Variants in CA10 observed in about 807,000 individuals in gnomAD.
The protein encoded by CA10 is carbonic anhydrase 10 (inactive).
In CA10, 14 loss-of-function variants were observed where a neutral mutation model predicts 44.2. The ratio of observed to expected loss-of-function variants is 0.32; its 90% CI spans 0.21 to 0.50. The LOEUF is 0.50. Ranked by LOEUF, CA10 falls within the 20% of genes least tolerant of loss-of-function variation. The probability of loss-of-function intolerance (pLI) is 0.99; values close to 1 mark genes in which losing one functional copy is unlikely to be tolerated. For synonymous variants in CA10, 159 were observed against 141.6 expected (o/e 1.12, Z -0.87); for missense variants, 350 against 409.7 (o/e 0.85, Z 1.26).
intron 2 of CA10, among the ~76,000 whole-genome samples, chr17:51,983,716 T>C (rs1432425542): frequency 2.0e-5 from 3 of 151,858 alleles, no homozygotes; most frequent in South Asian, 4.2e-4. Context: ...TTAGGTAAAG[T>C]TTCAGCAAAC....
intron 1 of CA10, among the ~76,000 whole-genome samples, chr17:52,104,365 G>C (rs1598216647): frequency 6.6e-6 from 1 of 152,064 alleles, no homozygotes. Flanking sequence ...ACCATGCCCA[G>C]CTAATTCTTG....
intron 2 of CA10, among the ~76,000 whole-genome samples, chr17:52,025,466 C>A (rs1177769360): frequency 6.6e-6 from 1 of 152,094 alleles, no homozygotes; most frequent in Non-Finnish European, 1.5e-5. Context: ...TCAGAAGAGA[C>A]ACATTCCTCA....
chr17:51,631,624 GAAA>G lies in CA10; in HGVS notation c.965-21_965-19del. On this transcript the variant is annotated intron_variant, in intron 8 of 8. Coordinates refer to ENST00000451037, the MANE Select transcript of CA10 (RefSeq NM_020178.5). ...TTCATTTACTGCAAAGAGAGAGAAA[GAAA>G]AAAAAAATCACACATACAACATAAA... The G allele has an allele frequency of 6.5e-7, 1 of 1,528,128 alleles. No homozygotes were observed. The allele number at this position is 1,528,128 out of a possible 1,614,324, so 94.7% of individuals were successfully genotyped here. A position where few individuals can be genotyped will look rare whatever the true frequency, so the allele number is the denominator to read the frequency against.
chr17:52,046,344 A>G (rs1337269060), intron 2 of CA10, among the ~76,000 whole-genome samples: 1 of 151,656 alleles, frequency 6.6e-6, no homozygotes, highest in Admixed American at 6.6e-5. Context: ...AATAATATAT[A>G]AAAGGTATAA....
chr17:51,762,163 G>C (rs1905233039), intron 3 of CA10: 1 of 152,212 alleles, frequency 6.6e-6, no homozygotes, highest in Non-Finnish European at 1.5e-5. Context: ...GGCTCAGTGA[G>C]GGTAAATAGG....
At chr17:51,640,799 T>C (rs370089070) in intron 6 of CA10, among the ~76,000 whole-genome samples, 3 of 152,178 alleles carry the variant, frequency 2.0e-5, no homozygotes, top group East Asian at 1.9e-4. Flanking sequence ...CCTTGCAGCA[T>C]CCAGCAGAAA....
chr17:52,125,228 C>T (rs1989094266), intron 1 of CA10, among the ~76,000 whole-genome samples: 1 of 152,196 alleles, frequency 6.6e-6, no homozygotes, highest in Admixed American at 6.5e-5. Context: ...TACCTCCTTG[C>T]TAGTGTCTCA....
intron 4 of CA10, among the ~76,000 whole-genome samples, chr17:51,734,174 TG>T (rs1409860409): frequency 4.0e-5 from 4 of 98,926 alleles, no homozygotes; most frequent in Non-Finnish European, 7.7e-5. Flanking sequence ...ACTCAATCTT[TG>T]GTTGGGGGGG....
chr17:52,158,121 C>A lies in CA10; in HGVS notation c.-335G>T. 2 of 451,892 alleles carry A rather than the reference C, an allele frequency of 4.4e-6. No individual in the cohort carries two copies. The highest frequency in any genetic ancestry group is 2.0e-5 in the South Asian group (1 of 48,824). 28.0% of individuals were successfully genotyped at this position (451,892 alleles called of 1,614,324 possible). A position where few individuals can be genotyped will look rare whatever the true frequency, so the allele number is the denominator to read the frequency against. On this transcript the variant is annotated 5_prime_UTR_variant, in exon 1 of 9. Transcript: ENST00000451037. ...CTAGCAGCGGCGGCGGCGGCGGCGG[C>A]GGCAGCAGCCACCTGAAGCCACCAA...
intron 3 of CA10, among the ~76,000 whole-genome samples, chr17:51,853,410 T>A (rs1398687002): frequency 6.6e-6 from 1 of 152,204 alleles, no homozygotes; most frequent in African/African-American, 2.4e-5. Flanking sequence ...CCTTGCTCCA[T>A]GTGCAGGGAG....
At position 52,157,926 on chromosome 17, in the gene CA10, G is replaced by T; in HGVS notation, c.-140C>A. ...GCACTCCCACCCGACAGCCGGCCAG[G>T]GACAGTCACCCCCAAGATCAATATC... On this transcript the variant is annotated 5_prime_UTR_variant, in exon 1 of 9. Coordinates refer to ENST00000451037, the MANE Select transcript of CA10 (RefSeq NM_020178.5). 2.7e-6 allele frequency: 2 copies of T among 731,848 alleles called. No individual in the cohort carries two copies. Among genetic ancestry groups the T allele is most frequent in the East Asian group, 2.5e-5 (1 of 40,492 alleles). The allele number at this position is 731,848 out of a possible 1,614,324, so 45.3% of individuals were successfully genotyped here.
intron 2 of CA10, among the ~76,000 whole-genome samples, chr17:51,961,719 T>C (rs993102596): frequency 1.8e-4 from 27 of 152,160 alleles, no homozygotes; most frequent in Admixed American, 1.6e-3. Flanking sequence ...AATCATTTTA[T>C]TGAAAGATAA....
intron 2 of CA10, among the ~76,000 whole-genome samples, chr17:51,944,809 T>C (rs980647819): frequency 6.6e-6 from 1 of 152,304 alleles, no homozygotes; most frequent in African/African-American, 2.4e-5. Context: ...GTTAAAACAT[T>C]TGAAAAATAA....
intron 1 of CA10, among the ~76,000 whole-genome samples, chr17:52,076,784 C>A (rs934497158): frequency 6.6e-6 from 1 of 152,116 alleles, no homozygotes; most frequent in African/African-American, 2.4e-5. Flanking sequence ...CCCACCAGAT[C>A]CTTGGTAGTC....
At chr17:51,840,225 A>G (rs753207526) in intron 3 of CA10, among the ~76,000 whole-genome samples, 27 of 152,148 alleles carry the variant, frequency 1.8e-4, no homozygotes, top group Admixed American at 5.2e-4. Flanking sequence ...CTATTTCTTT[A>G]GTTTGAGAGC....
intron 2 of CA10, among the ~76,000 whole-genome samples, chr17:52,042,244 CT>C (rs1321818924): frequency 1.3e-5 from 2 of 151,974 alleles, no homozygotes; most frequent in African/African-American, 4.8e-5. Flanking sequence ...TCTTCTCATC[CT>C]CACCAACGTT....
intron 3 of CA10, among the ~76,000 whole-genome samples, chr17:51,767,692 C>T (rs1905438638): frequency 6.6e-6 from 1 of 151,400 alleles, no homozygotes; most frequent in South Asian, 2.1e-4. Context: ...AATTACACAA[C>T]TCATCATAAT....
At chr17:51,846,024 C>T (rs1051141370) in intron 3 of CA10, among the ~76,000 whole-genome samples, 5 of 152,140 alleles carry the variant, frequency 3.3e-5, no homozygotes, top group Admixed American at 6.5e-5. Flanking sequence ...CCTCGAGAGC[C>T]CAGTGAGGGC....
At position 51,650,799 on chromosome 17, in the gene CA10, C is replaced by T. The variant is rs964836658; in HGVS notation, c.562-1545G>A. 3.3e-5 allele frequency among the ~76,000 whole-genome samples: 5 copies of T among 152,264 alleles called. No homozygotes were observed. The South Asian group carries it at 8.3e-4, about 25-fold the overall frequency. ...ACCTGGTGAGTCTGGTCAGCCCTTG[C>T]GTTGGGAGCAGACCATTTTGAGCTG... On this transcript the variant is annotated intron_variant, in intron 5 of 8. Transcript: ENST00000451037.
Sources: allele counts gnomAD v4.1 joint callset (sites outside exome capture counted in the v4.1 genomes callset), GRCh38; gene constraint gnomAD v4.1.1; transcripts MANE v1.5; gene names NCBI Gene and HGNC (gene_info 2026-07-23, HGNC 2026-07-21).